TLE7: variants seen among roughly 807,000 people sequenced by gnomAD.
TLE7 encodes the protein TLE family member 7.
intron 4 of TLE7, 83 bp from the exon 5 acceptor site, chr16:71,432,408 T>C (rs1297754448): frequency 5.2e-6 from 2 of 386,800 alleles, no homozygotes; most frequent in Non-Finnish European, 8.9e-6. Context: ...AGCTAGATTC[T>C]TAACCACCCA....
rs2042803512 is a variant in TLE7 at position 71,431,533 on chromosome 16, C to T, written c.881G>A (p.Arg294Gln). 2 of 400,762 alleles carry T rather than the reference C, an allele frequency of 5.0e-6. No individual in the cohort carries two copies. Among genetic ancestry groups the T allele is most frequent in the Non-Finnish European group, 4.4e-6 (1 of 226,254 alleles). 24.8% of individuals were successfully genotyped at this position (400,762 alleles called of 1,614,324 possible). ...RKHEVPVYGSRCVDITGNIFW... is the reference protein window; with the variant it reads ...RKHEVPVYGSQCVDITGNIFW... ...TATATTGCCGGTGATGTCCACACAT[C>T]GGGACCCGTATACAGGAACTTCGTG... is the stretch of plus-strand genomic sequence containing the variant. Residue 294 changes from arginine (R) to glutamine (Q), a missense_variant, in exon 7 of 10, where the codon CGA becomes CAA. By Grantham distance (43) the Arg-to-Gln change is conservative. Transcript: ENST00000561754. This position sits in a 1 kb window ranked among gnomAD's most constrained non-coding sequence, Gnocchi z 4.5.
At chr16:71,433,749 G>A (rs1195334467) in intron 1 of TLE7, among the ~76,000 whole-genome samples, 1 of 152,194 alleles carries the variant, frequency 6.6e-6, no homozygotes, top group Non-Finnish European at 1.5e-5. Context: ...CACAAGGCCA[G>A]GAGTTTGAGA....
At chr16:71,435,479 G>A (rs2145044762) in intron 1 of TLE7, among the ~76,000 whole-genome samples, 1 of 152,290 alleles carries the variant, frequency 6.6e-6, no homozygotes, top group Middle Eastern at 3.4e-3. Context: ...AATATTCCAA[G>A]GTGTATTAAT....
rs912286760 is a variant in TLE7 at position 71,433,274 on chromosome 16, A to G, written c.51T>C (p.Gly17=). ...GCACATCCCTCCTCTCCTCTGGCTC[A>G]CCATAAGCCCCGAACATTCTGAGCG... is the stretch of plus-strand genomic sequence containing the variant. ...EASLRMFGAY[G]EPEERRDVLE... Residue 17 remains glycine (G), a synonymous_variant, in exon 2 of 10, where the codon GGT becomes GGC. Coordinates refer to ENST00000561754, the MANE Select transcript of TLE7 (RefSeq NM_001367365.2). 8.3e-5 allele frequency: 33 copies of G among 398,544 alleles called. No individual in the cohort carries two copies. Among genetic ancestry groups the G allele is most frequent in the Non-Finnish European group, 1.8e-5 (4 of 226,120 alleles). 24.7% of individuals were successfully genotyped at this position (398,544 alleles called of 1,614,324 possible).
chr16:71,438,742 G>C (rs1247121177), intron 1 of TLE7, among the ~76,000 whole-genome samples: 1 of 150,332 alleles, frequency 6.7e-6, no homozygotes, highest in Non-Finnish European at 1.5e-5. Flanking sequence ...GAGTCAAAGA[G>C]AGCCGTGGTT....
chr16:71,440,255 A>G (rs576853576), intron 1 of TLE7, among the ~76,000 whole-genome samples: 1 of 152,228 alleles, frequency 6.6e-6, no homozygotes, highest in Non-Finnish European at 1.5e-5. Flanking sequence ...ATGACAAAAA[A>G]GTTCTGAAAC....
In TLE7 at chr16:71,430,331, C is replaced by T. The variant is rs2042796737; in HGVS notation, c.1257G>A (p.Val419=). The T allele has an allele frequency of 5.0e-6, 2 of 398,516 alleles. No individual in the cohort carries two copies. The highest frequency in any genetic ancestry group is 8.8e-6 in the Non-Finnish European group (2 of 226,106). 24.7% of individuals were successfully genotyped at this position (398,516 alleles called of 1,614,324 possible). A position where few individuals can be genotyped will look rare whatever the true frequency, so the allele number is the denominator to read the frequency against. ...EESSGILCCD[V]SSDNQYLVMG... ...TGACCAGATACTGGTTGTCAGAGGACACGTCACAGCACAGGATACCTGAAG... is the reference window on the plus strand; with the variant it reads ...TGACCAGATACTGGTTGTCAGAGGATACGTCACAGCACAGGATACCTGAAG... The change falls in exon 10 of 10, where the codon GTG becomes GTA. Residue 419 remains valine (V), a synonymous_variant. Coordinates refer to ENST00000561754, the MANE Select transcript of TLE7 (RefSeq NM_001367365.2).
chr16:71,436,698 CCA>C (rs1383192943), intron 1 of TLE7, among the ~76,000 whole-genome samples: 1 of 152,230 alleles, frequency 6.6e-6, no homozygotes, highest in Non-Finnish European at 1.5e-5. Flanking sequence ...TGGCCTGAAG[CCA>C]ACAGTGGGTG....
Position 71,433,284 on chromosome 16 carries a change from C to A in TLE7, c.41G>T (p.Gly14Val). The change falls in exon 2 of 10, where the codon GGG becomes GTG. Residue 14 changes from glycine (G) to valine (V), a missense_variant. Transcript: ENST00000561754. Reference sequence around the variant, plus strand: ...CCTCTCCTCTGGCTCACCATAAGCCCCGAACATTCTGAGCGATGCCTCTTC... The same window carrying A: ...CCTCTCCTCTGGCTCACCATAAGCCACGAACATTCTGAGCGATGCCTCTTC... Reference protein sequence around the residue: ...EKEEASLRMFGAYGEPEERRD... With the variant: ...EKEEASLRMFVAYGEPEERRD... 1.3e-5 allele frequency: 5 copies of A among 398,674 alleles called. No individual in the cohort carries two copies. In the Admixed American group the frequency reaches 1.8e-4, roughly 14 times the overall value. The allele number at this position is 398,674 out of a possible 1,614,324, so 24.7% of individuals were successfully genotyped here. A position where few individuals can be genotyped will look rare whatever the true frequency, so the allele number is the denominator to read the frequency against.
At chr16:71,439,006 C>T (rs2042837482) in intron 1 of TLE7, among the ~76,000 whole-genome samples, 1 of 152,190 alleles carries the variant, frequency 6.6e-6, no homozygotes, top group African/African-American at 2.4e-5. Context: ...CACCTGTGCC[C>T]CTTCCCCACC....
chr16:71,434,527 A>C (rs1285166982), intron 1 of TLE7, among the ~76,000 whole-genome samples: 1 of 151,882 alleles, frequency 6.6e-6, no homozygotes, highest in East Asian at 1.9e-4. Flanking sequence ...ACACCCACGA[A>C]CTCTATGGCA....
intron 4 of TLE7, 81 bp from the exon 5 acceptor site, chr16:71,432,406 T>G (rs1372360677): frequency 5.1e-6 from 2 of 390,190 alleles, no homozygotes; most frequent in Non-Finnish European, 8.9e-6. Flanking sequence ...CCAGCTAGAT[T>G]CTTAACCACC....
chr16:71,432,350 A>C (rs2042808663), intron 4 of TLE7, 25 bp from the exon 5 acceptor site: 1 of 399,950 alleles, frequency 2.5e-6, no homozygotes, highest in African/African-American at 2.1e-5. Flanking sequence ...GGTGGGTAGC[A>C]GTGGCCCTGA....
chr16:71,430,402 T>C (rs931387621), intron 9 of TLE7, 36 bp from the exon 10 acceptor site: 4 of 398,702 alleles, frequency 1.0e-5, no homozygotes, highest in South Asian at 1.3e-4. Context: ...GGGATCACAT[T>C]TGGGGCCAGA....
intron 1 of TLE7, among the ~76,000 whole-genome samples, chr16:71,437,055 C>G (rs1180027106): frequency 6.8e-6 from 1 of 147,018 alleles, no homozygotes; most frequent in Non-Finnish European, 1.5e-5. Context: ...CTATACTAAA[C>G]ATACAAAAAT....
chr16:71,434,307 C>A (rs2042818241), intron 1 of TLE7, among the ~76,000 whole-genome samples: 1 of 152,128 alleles, frequency 6.6e-6, no homozygotes, highest in African/African-American at 2.4e-5. Flanking sequence ...GTGTCAGGGA[C>A]CAGAGCTTTG....
chr16:71,433,047 G>T lies in TLE7; in HGVS notation c.278C>A (p.Ala93Glu), dbSNP rs1053461253. Reference sequence around the variant, plus strand: ...GGACTCTGCTGCTTCTCCTGGTTGTGCATCAGGGAGCCCAGCGGCCTGGAG... The same window carrying T: ...GGACTCTGCTGCTTCTCCTGGTTGTTCATCAGGGAGCCCAGCGGCCTGGAG... ...SELQAAGLPDAQPGEAAESSP... is the reference protein window; with the variant it reads ...SELQAAGLPDEQPGEAAESSP... Residue 93 changes from alanine to glutamate, a missense_variant, in exon 2 of 10, where the codon GCA becomes GAA. Physicochemically the swap from Ala to Glu is moderately radical, Grantham distance 107 (BLOSUM62 -1). Transcript: ENST00000561754. 3 of 398,774 alleles carry T rather than the reference G, an allele frequency of 7.5e-6. No homozygotes were observed. Among genetic ancestry groups the T allele is most frequent in the Non-Finnish European group, 8.8e-6 (2 of 226,174 alleles). 24.7% of individuals were successfully genotyped at this position (398,774 alleles called of 1,614,324 possible).
chr16:71,433,826 C>T (rs2145043834), intron 1 of TLE7, among the ~76,000 whole-genome samples: 1 of 152,096 alleles, frequency 6.6e-6, no homozygotes, highest in South Asian at 2.1e-4. Flanking sequence ...GGCATGATGG[C>T]ACGTGCCTGT....
Position 71,430,663 on chromosome 16 carries a change from A to G in TLE7, c.1221+5T>C, listed in dbSNP as rs1217855571. 2.5e-6 allele frequency: 1 copy of G among 398,514 alleles called. No homozygotes were observed. Among genetic ancestry groups the G allele is most frequent in the Admixed American group, 4.4e-5 (1 of 22,718 alleles). The allele number at this position is 398,514 out of a possible 1,614,324, so 24.7% of individuals were successfully genotyped here. The stretch of plus-strand genomic sequence containing the variant: ...TGGGTTCGGGCATCCCTCTGTGTCC[A>G]GTACCTGAAACAACTTTTGCAGAGA... On this transcript the variant is annotated splice_donor_5th_base_variant and intron_variant, in intron 9 of 9. Coordinates refer to ENST00000561754, the MANE Select transcript of TLE7 (RefSeq NM_001367365.2).
Sources: gnomAD v4.1 joint callset for allele counts (sites outside exome capture counted in the v4.1 genomes callset) on GRCh38, gnomAD v4.1.1 for gene constraint, Gnocchi (gnomAD v3.1) non-coding constraint, MANE v1.5 for transcripts, NCBI Gene and HGNC (gene_info 2026-07-23, HGNC 2026-07-21) for gene names.